The following NDST4 variants were observed in gnomAD, a reference collection of about 807,000 sequenced individuals.
NDST4 encodes the protein N-heparan sulfate sulfotransferase 4.
Under a neutral mutation model 100.8 loss-of-function variants are expected in NDST4, and 63 were observed. The ratio of observed to expected loss-of-function variants is 0.62; its 90% CI spans 0.51 to 0.77. The LOEUF (loss-of-function observed/expected upper bound fraction) is 0.77, where lower values mean the gene tolerates loss of function less well. NDST4 is among the 30% of genes least tolerant of loss of function. NDST4 has a pLI of 0.00. For synonymous variants in NDST4, 377 were observed against 361.8 expected (o/e 1.04, Z -0.48); for missense variants, 943 against 1,018.4 (o/e 0.93, Z 1.01).
chr4:115,076,468 A>G lies in NDST4; in HGVS notation c.569T>C (p.Leu190Pro). ...TTGAGGGTTAACAAAACAGTCCTTT[A>G]GAGCTAGATTATTGAAAAGGTTTAA... ...FPLNLFNNLALKDCFVNPQSP... is the reference protein window; with the variant it reads ...FPLNLFNNLAPKDCFVNPQSP... The change falls in exon 2 of 14, where the codon CTA (leucine) becomes CCA (proline). Residue 190 changes from leucine (L) to proline (P), a missense_variant. Leu to Pro is a moderately conservative substitution (Grantham distance 98). Transcript: ENST00000264363. 1 of 1,613,920 alleles carries G rather than the reference A, an allele frequency of 6.2e-7. No individual in the cohort carries two copies. The highest frequency in any genetic ancestry group is 1.3e-5 in the African/African-American group (1 of 75,040).
Position 114,827,915 on chromosome 4 carries a change from AT to A in NDST4, c.2519del (p.Asn840IlefsTer25). ...MDPESRTFLS[N>X]YYRDHNVELS... ...GTTCCACATTATGATCTCGGTAGTA[AT>A]TAGAGAGGAACGTTCTAGACTGGAA... On this transcript the variant is annotated frameshift_variant, in exon 14 of 14. Transcript: ENST00000264363. LOFTEE classifies it high-confidence loss of function. The A allele has an allele frequency of 6.2e-7, 1 of 1,607,682 alleles. No homozygotes were observed. Among genetic ancestry groups the A allele is most frequent in the Non-Finnish European group, 8.5e-7 (1 of 1,178,106 alleles).
At chr4:114,920,520 G>A (rs896611765) in intron 6 of NDST4, among the ~76,000 whole-genome samples, 3 of 152,196 alleles carry the variant, frequency 2.0e-5, no homozygotes, top group East Asian at 1.9e-4. Flanking sequence ...TACTTTGAAT[G>A]GCATTATTGA....
chr4:114,983,184 C>T (rs935708682), intron 2 of NDST4, among the ~76,000 whole-genome samples: 3 of 152,206 alleles, frequency 2.0e-5, no homozygotes, highest in Admixed American at 2.0e-4. Flanking sequence ...CTTTCCAAAT[C>T]CCCACTGGGG....
At chr4:115,093,470 G>A (rs1226061027) in intron 1 of NDST4, among the ~76,000 whole-genome samples, 3 of 151,216 alleles carry the variant, frequency 2.0e-5, no homozygotes, top group East Asian at 1.9e-4. Flanking sequence ...GCAAGACTCC[G>A]TCTCAAAAAA....
chr4:114,964,432 T>G (rs1726335872), intron 4 of NDST4, among the ~76,000 whole-genome samples: 1 of 152,208 alleles, frequency 6.6e-6, no homozygotes, highest in Admixed American at 6.5e-5. Context: ...TAGGTCTTTA[T>G]AGTCTAAGTA....
chr4:114,930,355 G>C (rs1057478738), intron 6 of NDST4, among the ~76,000 whole-genome samples: 1 of 152,104 alleles, frequency 6.6e-6, no homozygotes, highest in Non-Finnish European at 1.5e-5. Context: ...TCCAAGTGTG[G>C]TGCCATTAAA....
chr4:115,099,292 C>T (rs1181978699), intron 1 of NDST4, among the ~76,000 whole-genome samples: 1 of 150,418 alleles, frequency 6.6e-6, no homozygotes, highest in Non-Finnish European at 1.5e-5. Flanking sequence ...AAGGAACAAT[C>T]CAAAAAAGAA....
At chr4:114,833,536 TACACA>T in intron 12 of NDST4, 65 bp downstream of exon 12, 1 of 977,016 alleles carries the variant, frequency 1.0e-6, no homozygotes, top group Non-Finnish European at 1.6e-6. Context: ...TGATGTTATA[TACACA>T]CCTACCAGTG....
chr4:114,943,730 T>C (rs1015023549), intron 4 of NDST4, among the ~76,000 whole-genome samples: 5 of 152,320 alleles, frequency 3.3e-5, no homozygotes. Flanking sequence ...ATTTGAATTT[T>C]GGCTTTGCCA....
At chr4:115,051,674 C>G (rs1372444672) in intron 2 of NDST4, among the ~76,000 whole-genome samples, 3 of 152,010 alleles carry the variant, frequency 2.0e-5, no homozygotes, top group Admixed American at 6.6e-5. Context: ...TTGGTAAGAA[C>G]TTAGGTAGAT....
At chr4:115,043,649 T>C (rs1728400661) in intron 2 of NDST4, among the ~76,000 whole-genome samples, 1 of 152,034 alleles carries the variant, frequency 6.6e-6, no homozygotes, top group South Asian at 2.1e-4. Flanking sequence ...GCACAATAAA[T>C]GTATGACTGT....
chr4:115,107,236 G>T (rs1729850341), intron 1 of NDST4, among the ~76,000 whole-genome samples: 1 of 152,066 alleles, frequency 6.6e-6, no homozygotes, highest in Admixed American at 6.6e-5. Flanking sequence ...CCAGTAATTT[G>T]AGATAATTTA....
At chr4:115,086,229 C>T (rs189207220) in intron 1 of NDST4, among the ~76,000 whole-genome samples, 188 of 152,134 alleles carry the variant, frequency 1.2e-3, no homozygotes, top group African/African-American at 3.9e-3. Flanking sequence ...CCATGGAATT[C>T]CTTTCAGCTT....
In NDST4 at chr4:114,929,103, TCCATCC is replaced by T. The variant is rs1560817062; in HGVS notation, c.1536+6097_1536+6102del. On this transcript the variant is annotated intron_variant, in intron 6 of 13. Transcript: ENST00000264363. ...ATCCATCCATCCATCCATCCATCCA[TCCATCC>T]ATCCATCTATCTATCTATCTATCTA... 2.7e-3 allele frequency among the ~76,000 whole-genome samples: 353 copies of T among 131,602 alleles called. 1 individual carries two copies. The highest frequency in any genetic ancestry group is 8.0e-3 in the African/African-American group (293 of 36,472). 86.3% of individuals were successfully genotyped at this position (131,602 alleles called of 152,430 possible). A position where few individuals can be genotyped will look rare whatever the true frequency, so the allele number is the denominator to read the frequency against.
chr4:115,041,223 T>C (rs1728345779), intron 2 of NDST4, among the ~76,000 whole-genome samples: 1 of 152,064 alleles, frequency 6.6e-6, no homozygotes, highest in East Asian at 1.9e-4. Flanking sequence ...TGAAGCAGAC[T>C]TACTTAAATA....
At chr4:115,018,520 T>G (rs908787406) in intron 2 of NDST4, among the ~76,000 whole-genome samples, 1 of 151,954 alleles carries the variant, frequency 6.6e-6, no homozygotes. Flanking sequence ...AGAGTAAAAA[T>G]GATGGAAATC....
intron 2 of NDST4, among the ~76,000 whole-genome samples, chr4:114,981,465 T>G (rs951241640): frequency 7.2e-5 from 11 of 152,166 alleles, no homozygotes; most frequent in African/African-American, 2.7e-4. Flanking sequence ...CACTTCATCA[T>G]ATACTCCAGC....
chr4:114,913,435 C>T (rs72681412), intron 6 of NDST4, among the ~76,000 whole-genome samples: 13,732 of 151,894 alleles, frequency 0.09, 841 homozygotes, highest in East Asian at 0.31. Context: ...TGTTGACTTA[C>T]GATATGCGGA....
intron 6 of NDST4, among the ~76,000 whole-genome samples, chr4:114,916,353 C>T (rs1725167187): frequency 1.3e-5 from 2 of 152,274 alleles, no homozygotes; most frequent in Admixed American, 6.5e-5. Context: ...TAGCCTCTTT[C>T]TCTCCTGTCA....
Sources: allele counts gnomAD v4.1 joint callset (sites outside exome capture counted in the v4.1 genomes callset), GRCh38; gene constraint gnomAD v4.1.1; transcripts MANE v1.5; gene names NCBI Gene and HGNC (gene_info 2026-07-23, HGNC 2026-07-21).